SLFN12L: variants seen among roughly 807,000 people sequenced by gnomAD.
SLFN12L encodes the protein schlafen family member 12-like.
SLFN12L carries 34 observed loss-of-function variants against 34.8 expected under a neutral mutation model. The observed-to-expected ratio is 0.98, with a 90% CI of 0.74 to 1.30. The LOEUF is 1.30. SLFN12L is among the 50% of genes most tolerant of loss of function. The pLI is 0.00. For synonymous variants in SLFN12L, 259 were observed against 247.5 expected (o/e 1.05, Z -0.44); for missense variants, 703 against 696.2 (o/e 1.01, Z -0.11).
chr17:35,493,138 A>T (rs546397616), intron 2 of SLFN12L, among the ~76,000 whole-genome samples: 2 of 152,260 alleles, frequency 1.3e-5, no homozygotes, highest in South Asian at 4.2e-4. Context: ...GAAGGTGCAG[A>T]CTATCTTCCT....
chr17:35,519,604 C>T (rs1293821237), intron 2 of SLFN12L, among the ~76,000 whole-genome samples: 4 of 152,142 alleles, frequency 2.6e-5, no homozygotes, highest in Non-Finnish European at 5.9e-5. Flanking sequence ...ACTTCAATCC[C>T]CACCCTTTGA....
chr17:35,474,691 G>GT lies in SLFN12L; in HGVS notation c.*231_*232insA, dbSNP rs71152719. ...ACTCCTAGCACTTTGGGAGACCGGG[G>GT]GGGGGGGTTGAATCACGAGGTCAGG... On this transcript the variant is annotated 3_prime_UTR_variant, in exon 5 of 5. Coordinates refer to ENST00000628453, the MANE Select transcript of SLFN12L (RefSeq NM_001363830.2). 0.032 allele frequency: 12,061 copies of GT among 372,288 alleles called. 821 individuals carry two copies. The highest frequency in any genetic ancestry group is 0.17 in the East Asian group (3,150 of 18,246). 23.1% of individuals were successfully genotyped at this position (372,288 alleles called of 1,614,324 possible). A position where few individuals can be genotyped will look rare whatever the true frequency, so the allele number is the denominator to read the frequency against.
chr17:35,489,409 C>T (rs1914740982), intron 2 of SLFN12L, among the ~76,000 whole-genome samples: 6 of 152,046 alleles, frequency 3.9e-5, no homozygotes, highest in Admixed American at 3.9e-4. Flanking sequence ...TTAAAATAAC[C>T]GGGCGTGGTG....
At chr17:35,504,251 C>T (rs1567672910) in intron 2 of SLFN12L, among the ~76,000 whole-genome samples, 2 of 152,136 alleles carry the variant, frequency 1.3e-5, no homozygotes. Flanking sequence ...TGATTAAAAA[C>T]CCCAGTGTCA....
At chr17:35,516,259 A>T (rs1389871826) in intron 2 of SLFN12L, among the ~76,000 whole-genome samples, 1 of 152,200 alleles carries the variant, frequency 6.6e-6, no homozygotes, top group Non-Finnish European at 1.5e-5. Context: ...GGTCCCTACT[A>T]GGGGCATGGA....
At chr17:35,519,592 G>T (rs1198088492) in intron 2 of SLFN12L, among the ~76,000 whole-genome samples, 1 of 152,102 alleles carries the variant, frequency 6.6e-6, no homozygotes, top group East Asian at 1.9e-4. Flanking sequence ...CAAGGAAGTG[G>T]CACTTCAATC....
intron 1 of SLFN12L, among the ~76,000 whole-genome samples, chr17:35,532,982 A>G (rs766929760): frequency 1.3e-4 from 20 of 152,268 alleles, no homozygotes; most frequent in Non-Finnish European, 2.5e-4. Flanking sequence ...AAAAAATGGC[A>G]GGCTACAACA....
intron 2 of SLFN12L, among the ~76,000 whole-genome samples, chr17:35,496,323 T>C (rs928885941): frequency 6.6e-6 from 1 of 152,000 alleles, no homozygotes; most frequent in Non-Finnish European, 1.5e-5. Flanking sequence ...ACTCCAACTT[T>C]GGCGACAAGA....
chr17:35,523,390 C>T (rs1916054927), intron 1 of SLFN12L, among the ~76,000 whole-genome samples: 1 of 152,218 alleles, frequency 6.6e-6, no homozygotes. Context: ...TAGCAGGAGC[C>T]TTCCCAGGAA....
At chr17:35,514,317 C>T (rs1023384449) in intron 2 of SLFN12L, among the ~76,000 whole-genome samples, 3 of 152,224 alleles carry the variant, frequency 2.0e-5, no homozygotes, top group East Asian at 3.8e-4. Context: ...ATGGAATCAT[C>T]ACCTCAAAAT....
intron 2 of SLFN12L, among the ~76,000 whole-genome samples, chr17:35,507,077 G>A (rs1331843476): frequency 6.6e-6 from 1 of 152,204 alleles, no homozygotes; most frequent in Non-Finnish European, 1.5e-5. Flanking sequence ...GGATTATACT[G>A]GATATGTGTG....
chr17:35,509,538 A>G (rs1597866754), intron 2 of SLFN12L, among the ~76,000 whole-genome samples: 1 of 152,292 alleles, frequency 6.6e-6, no homozygotes, highest in East Asian at 1.9e-4. Context: ...GGTTTCTGAC[A>G]ATGAGCATTT....
chr17:35,468,116 G>T lies in SLFN12L; in HGVS notation c.*6807C>A, dbSNP rs958558992. On this transcript the variant is annotated 3_prime_UTR_variant, in exon 5 of 5. Coordinates refer to ENST00000628453, the MANE Select transcript of SLFN12L (RefSeq NM_001363830.2). Reference sequence around the variant, plus strand: ...TGTAGAGACAGGGTTTTACCATGTTGCCCAGGCTGGTCTTGAATGCCTGAG... The same window carrying T: ...TGTAGAGACAGGGTTTTACCATGTTTCCCAGGCTGGTCTTGAATGCCTGAG... Among the ~76,000 whole-genome samples the T allele has an allele frequency of 6.6e-6, 1 of 152,098 alleles. No homozygotes were observed. Among genetic ancestry groups the T allele is most frequent in the African/African-American group, 2.4e-5 (1 of 41,410 alleles).
In SLFN12L at chr17:35,484,427, A is replaced by C. The variant is rs182329693; in HGVS notation, c.87-4232T>G. Among the ~76,000 whole-genome samples, 10 of 152,296 alleles carry C rather than the reference A, an allele frequency of 6.6e-5. No individual in the cohort carries two copies. The East Asian group carries it at 1.7e-3, about 26-fold the overall frequency. On this transcript the variant is annotated intron_variant, in intron 2 of 4. Coordinates refer to ENST00000628453, the MANE Select transcript of SLFN12L (RefSeq NM_001363830.2). ...GGTTCAGTTCCTACCTTAGACACTG[A>C]ACCTCAGGGGGTTCAAAGCACGTTC...
intron 1 of SLFN12L, among the ~76,000 whole-genome samples, chr17:35,532,986 T>C (rs1250704062): frequency 1.3e-5 from 2 of 152,224 alleles, no homozygotes; most frequent in African/African-American, 4.8e-5. Flanking sequence ...AATGGCAGGC[T>C]ACAACATTCA....
In SLFN12L at chr17:35,465,618, T is replaced by C. The variant is rs920925741; in HGVS notation, c.*9305A>G. Among the ~76,000 whole-genome samples, 6 of 151,674 alleles carry C rather than the reference T, an allele frequency of 4.0e-5. No individual in the cohort carries two copies. The highest frequency in any genetic ancestry group is 3.3e-4 in the Admixed American group (5 of 15,218). Reference sequence around the variant, plus strand: ...TATAACATAAAAGGGATAAAGGAGATAAGTATTCCCTGCTGCTTGTCCGTT... The same window carrying C: ...TATAACATAAAAGGGATAAAGGAGACAAGTATTCCCTGCTGCTTGTCCGTT... On this transcript the variant is annotated 3_prime_UTR_variant, in exon 5 of 5. Coordinates refer to ENST00000628453, the MANE Select transcript of SLFN12L (RefSeq NM_001363830.2).
At chr17:35,495,385 TATACACTTTAA>T (rs1244019303) in intron 2 of SLFN12L, among the ~76,000 whole-genome samples, 1 of 152,212 alleles carries the variant, frequency 6.6e-6, no homozygotes, top group African/African-American at 2.4e-5. Flanking sequence ...TCCTTCATAT[TATACACTTTAA>T]ATACGTACAG....
At chr17:35,486,805 G>C (rs372611333) in intron 2 of SLFN12L, among the ~76,000 whole-genome samples, 1 of 152,094 alleles carries the variant, frequency 6.6e-6, no homozygotes, top group Admixed American at 6.5e-5. Context: ...GGGAATGGGG[G>C]TGGCATTCAT....
Position 35,471,824 on chromosome 17 carries a change from GT to G in SLFN12L, c.*3098del, listed in dbSNP as rs1278888627. Among the ~76,000 whole-genome samples, 5 of 151,898 alleles carry G rather than the reference GT, an allele frequency of 3.3e-5. No individual in the cohort carries two copies. The highest frequency in any genetic ancestry group is 6.6e-5 in the Admixed American group (1 of 15,248). On this transcript the variant is annotated 3_prime_UTR_variant, in exon 5 of 5. Coordinates refer to ENST00000628453, the MANE Select transcript of SLFN12L (RefSeq NM_001363830.2). The stretch of plus-strand genomic sequence containing the variant: ...TTTCTCTAATGATAAGTGATGTTGA[GT>G]TTTTTTTCATACGTTTGTTGGCTGT...
Sources: gnomAD v4.1 joint callset for allele counts (sites outside exome capture counted in the v4.1 genomes callset) on GRCh38, gnomAD v4.1.1 for gene constraint, MANE v1.5 for transcripts, NCBI Gene and HGNC (gene_info 2026-07-23, HGNC 2026-07-21) for gene names.